NAALADL2: variants seen among roughly 807,000 people sequenced by gnomAD.
NAALADL2 encodes the protein inactive N-acetylated-alpha-linked acidic dipeptidase-like protein 2.
NAALADL2 carries 76 observed loss-of-function variants against 87.2 expected under a neutral mutation model. That is an observed-to-expected ratio of 0.87 (90% CI 0.72 to 1.05). The LOEUF (loss-of-function observed/expected upper bound fraction) is 1.05, where lower values mean the gene tolerates loss of function less well. Among genes scored for constraint, NAALADL2 ranks in the 50% least tolerant of loss-of-function variants. The pLI is 0.00. For missense variants in NAALADL2, 1,089 were observed against 945.8 expected, an observed-to-expected ratio of 1.15 and a Z score of -1.99; for synonymous variants, 354 against 331.0, an observed-to-expected ratio of 1.07 and a Z score of -0.75.
At chr3:175,780,363 AAC>A (rs529411990) in intron 13 of NAALADL2, among the ~76,000 whole-genome samples, 1 of 152,016 alleles carries the variant, frequency 6.6e-6, no homozygotes, top group Non-Finnish European at 1.5e-5. Flanking sequence ...CATGCACACA[AAC>A]ACACACAAAC....
chr3:174,916,218 ATGT>A (rs1057397535), intron 1 of NAALADL2, among the ~76,000 whole-genome samples: 116 of 152,226 alleles, frequency 7.6e-4, no homozygotes, highest in African/African-American at 2.6e-3. Context: ...AAAACAACAG[ATGT>A]TGGTGTGGAT....
intron 5 of NAALADL2, among the ~76,000 whole-genome samples, chr3:175,378,237 C>T (rs1416031147): frequency 1.3e-5 from 2 of 152,124 alleles, no homozygotes; most frequent in Non-Finnish European, 2.9e-5. Context: ...GCGCTCACTC[C>T]CACAAGGGGT....
chr3:174,598,313 G>T (rs1430453877), intron 2 of NAALADL2, among the ~76,000 whole-genome samples: 1 of 152,070 alleles, frequency 6.6e-6, no homozygotes, highest in African/African-American at 2.4e-5. Context: ...AGAATTAAGT[G>T]TATTTGTTTT....
chr3:174,722,498 C>G (rs1731799191), intron 2 of NAALADL2, among the ~76,000 whole-genome samples: 1 of 152,142 alleles, frequency 6.6e-6, no homozygotes, highest in Non-Finnish European at 1.5e-5. Flanking sequence ...GTCAGGAGTT[C>G]AAGGCCAGCC....
rs1160338109 is a variant in NAALADL2 at position 174,797,305 on chromosome 3, C to CTTTTTTTT, written c.-9+59576_-9+59583dup. On this transcript the variant is annotated intron_variant, in intron 3 of 3. Transcript: ENST00000434257. Reference sequence around the variant, plus strand: ...CTTTTTTCTTTTGTTTTTCTTTTTTCTTTTTTTTTTTTTTTTTTTTTTTTG... The same window carrying CTTTTTTTT: ...CTTTTTTCTTTTGTTTTTCTTTTTTCTTTTTTTTTTTTTTTTTTTTTTTTTTTTTTTTG... Among the ~76,000 whole-genome samples, 331 of 72,702 alleles carry CTTTTTTTT rather than the reference C, an allele frequency of 4.6e-3. 1 individual carries two copies. Among genetic ancestry groups the CTTTTTTTT allele is most frequent in the Non-Finnish European group, 6.3e-3 (265 of 42,170 alleles). 47.7% of individuals were successfully genotyped at this position (72,702 alleles called of 152,430 possible).
chr3:175,174,256 T>G (rs1017633450), intron 2 of NAALADL2, among the ~76,000 whole-genome samples: 1 of 152,162 alleles, frequency 6.6e-6, no homozygotes, highest in Non-Finnish European at 1.5e-5. Context: ...GGCTTCCCTC[T>G]TCATTCAACC....
chr3:174,540,413 A>C (rs1722119237), intron 1 of NAALADL2, among the ~76,000 whole-genome samples: 1 of 152,124 alleles, frequency 6.6e-6, no homozygotes, highest in African/African-American at 2.4e-5. Context: ...CTGTTCTATA[A>C]TATTACTTTG....
intron 12 of NAALADL2, among the ~76,000 whole-genome samples, chr3:175,745,041 C>A (rs1053415826): frequency 1.3e-5 from 2 of 151,826 alleles, no homozygotes; most frequent in Non-Finnish European, 2.9e-5. Context: ...GTCTCTGAAA[C>A]CCAATTGCAT....
intron 3 of NAALADL2, among the ~76,000 whole-genome samples, chr3:174,838,278 C>T (rs918598085): frequency 4.6e-5 from 7 of 152,038 alleles, no homozygotes; most frequent in Non-Finnish European, 7.4e-5. Flanking sequence ...ACAAATCCTT[C>T]GACAAAATCC....
At chr3:175,671,080 AAAG>A (rs1298694578) in intron 11 of NAALADL2, among the ~76,000 whole-genome samples, 1 of 151,768 alleles carries the variant, frequency 6.6e-6, no homozygotes, top group African/African-American at 2.4e-5. Context: ...TGTGTCTCTC[AAAG>A]GATACATTAT....
chr3:175,679,953 A>G (rs185721501), intron 11 of NAALADL2, among the ~76,000 whole-genome samples: 5 of 152,270 alleles, frequency 3.3e-5, no homozygotes, highest in Admixed American at 3.3e-4. Context: ...GGTGAGAAAA[A>G]AAGGATGCCG....
intron 2 of NAALADL2, among the ~76,000 whole-genome samples, chr3:174,646,226 A>G (rs1723766920): frequency 1.3e-5 from 2 of 152,172 alleles, no homozygotes; most frequent in African/African-American, 4.8e-5. Context: ...GAGCAGGACC[A>G]TTCAAAAAGC....
chr3:175,433,702 T>A (rs957022464), intron 5 of NAALADL2, among the ~76,000 whole-genome samples: 3 of 152,072 alleles, frequency 2.0e-5, no homozygotes, highest in African/African-American at 7.2e-5. Flanking sequence ...GCCTTTTTTT[T>A]TCTCTTTTGG....
At chr3:174,614,184 C>T (rs893600594) in intron 2 of NAALADL2, among the ~76,000 whole-genome samples, 3 of 152,122 alleles carry the variant, frequency 2.0e-5, no homozygotes, top group Admixed American at 6.5e-5. Flanking sequence ...CCATAGCTGC[C>T]CCAGCTAGTA....
chr3:175,311,002 CG>C (rs66846093), intron 4 of NAALADL2, among the ~76,000 whole-genome samples: 3 of 151,542 alleles, frequency 2.0e-5, no homozygotes, highest in Non-Finnish European at 4.4e-5. Context: ...ATGTTTCCCC[CG>C]CAATATTGGC....
chr3:174,794,801 C>T (rs528074137), intron 3 of NAALADL2, among the ~76,000 whole-genome samples: 11 of 151,790 alleles, frequency 7.2e-5, no homozygotes, highest in Admixed American at 2.0e-4. Context: ...TATTGCTGAT[C>T]CTTTACTATT....
At chr3:174,709,861 AGTGGAAATTT>A (rs1730452167) in intron 2 of NAALADL2, among the ~76,000 whole-genome samples, 1 of 152,202 alleles carries the variant, frequency 6.6e-6, no homozygotes, top group South Asian at 2.1e-4. Flanking sequence ...AGGGCCGTAT[AGTGGAAATTT>A]GTTCCTTTTT....
chr3:175,764,193 T>C (rs1158688577), intron 13 of NAALADL2, among the ~76,000 whole-genome samples: 1 of 151,652 alleles, frequency 6.6e-6, no homozygotes, highest in Non-Finnish European at 1.5e-5. Context: ...TTGATTATGG[T>C]CCAGTATCCC....
intron 2 of NAALADL2, among the ~76,000 whole-genome samples, chr3:174,596,505 T>C (rs914012329): frequency 6.6e-6 from 1 of 152,148 alleles, no homozygotes; most frequent in Non-Finnish European, 1.5e-5. Context: ...TGAATCAGAT[T>C]ACTGAGCCCA....
Sources: allele counts gnomAD v4.1 joint callset (sites outside exome capture counted in the v4.1 genomes callset), GRCh38; gene constraint gnomAD v4.1.1; transcripts MANE v1.5; gene names NCBI Gene and HGNC (gene_info 2026-07-23, HGNC 2026-07-21).